Variants in PDE2A observed in about 807,000 individuals in gnomAD.
The protein encoded by PDE2A is cGMP-dependent 3',5'-cyclic phosphodiesterase.
In PDE2A, 53 loss-of-function variants were observed where a neutral mutation model predicts 133.6. The observed-to-expected ratio is 0.40, with a 90% CI of 0.32 to 0.50. The LOEUF (loss-of-function observed/expected upper bound fraction) is 0.50. Ranked by LOEUF, PDE2A falls within the 20% of genes least tolerant of loss-of-function variation. The pLI is 0.73. For missense variants in PDE2A, 796 were observed against 1,232.4 expected (o/e 0.65, Z 5.30); for synonymous variants, 491 against 490.2 (o/e 1.00, Z -0.02).
chr11:72,661,470 G>A (rs1157663380), intron 1 of PDE2A, among the ~76,000 whole-genome samples: 1 of 151,980 alleles, frequency 6.6e-6, no homozygotes, highest in Non-Finnish European at 1.5e-5. Flanking sequence ...CCACCTCAAC[G>A]AGCACAGGCA....
At position 72,590,258 on chromosome 11, in the gene PDE2A, G is replaced by C; in HGVS notation, c.704-14C>G. The C allele has an allele frequency of 6.4e-7, 1 of 1,551,302 alleles. No individual in the cohort carries two copies. The highest frequency in any genetic ancestry group is 8.7e-7 in the Non-Finnish European group (1 of 1,146,800). On this transcript the variant is annotated splice_polypyrimidine_tract_variant and intron_variant, in intron 8 of 30. Transcript: ENST00000334456. The surrounding 1 kb of genome is among the most constrained non-coding windows in gnomAD (Gnocchi z 4.8). ...CGTAGAGTTCCCCTGCAAGGGCCAG[G>C]CGCCGGTCAGAGAGAGGGCCCCTCC...
At chr11:72,616,325 T>C (rs763744597) in intron 2 of PDE2A, among the ~76,000 whole-genome samples, 1 of 152,184 alleles carries the variant, frequency 6.6e-6, no homozygotes, top group African/African-American at 2.4e-5. Context: ...ACTGCCCCCC[T>C]TTCCCCCACC....
Position 72,577,415 on chromosome 11 carries a change from A to G in PDE2A, c.2795T>C (p.Ile932Thr), listed in dbSNP as rs1343293491. The G allele has an allele frequency of 6.2e-7, 1 of 1,613,710 alleles. No homozygotes were observed. The highest frequency in any genetic ancestry group is 8.5e-7 in the Non-Finnish European group (1 of 1,179,966). Reference protein sequence around the residue: ...VPDLDGTRAPINGCCSLDAE With the variant: ...VPDLDGTRAPTNGCCSLDAE ...AGCATCAAGGCTGCAGCAGCCATTG[A>G]TGGGGGCCCTAGTGCCATCCAGATC... Residue 932 changes from isoleucine to threonine, a missense_variant, in exon 31 of 31, where the codon ATC (isoleucine) becomes ACC (threonine). Ile to Thr is a moderately conservative substitution (Grantham distance 89). Transcript: ENST00000334456.
Position 72,642,356 on chromosome 11 carries a change from G to A in PDE2A, c.72-30C>T, listed in dbSNP as rs1858993363. On this transcript the variant is annotated intron_variant, in intron 1 of 30. Transcript: ENST00000334456. ...GGAATTGGACAACAGCGATGAGGAT[G>A]TGGTGCAGCACCAGGACCATGCTCG... is the stretch of plus-strand genomic sequence containing the variant. The A allele has an allele frequency of 2.6e-6, 4 of 1,519,994 alleles. No homozygotes were observed. In the East Asian group the frequency reaches 1.1e-4, roughly 41 times the overall value. 94.2% of individuals were successfully genotyped at this position (1,519,994 alleles called of 1,614,324 possible). A position where few individuals can be genotyped will look rare whatever the true frequency, so the allele number is the denominator to read the frequency against.
chr11:72,582,198 G>T (rs1351060078), intron 21 of PDE2A: 1 of 607,388 alleles, frequency 1.6e-6, no homozygotes, highest in Non-Finnish European at 2.9e-6. Flanking sequence ...TGCAAACCCT[G>T]AGGTCACATG....
intron 2 of PDE2A, 138 bp from the exon 3 acceptor site, chr11:72,608,889 G>A (rs1309457902): frequency 1.6e-6 from 1 of 629,278 alleles, no homozygotes; most frequent in African/African-American, 1.8e-5. Context: ...CAGGATCTTA[G>A]GATCTCAAAA....
intron 1 of PDE2A, among the ~76,000 whole-genome samples, chr11:72,645,255 C>T (rs1406142802): frequency 1.3e-5 from 2 of 152,216 alleles, no homozygotes; most frequent in Non-Finnish European, 2.9e-5. Flanking sequence ...CAGCACCTCT[C>T]TAGGCCTCTA....
intron 19 of PDE2A, 162 bp from the exon 20 acceptor site, chr11:72,583,677 C>G (rs1410794418): frequency 3.8e-6 from 2 of 529,148 alleles, no homozygotes; most frequent in Admixed American, 3.9e-5. Flanking sequence ...ACCCCACCCC[C>G]ACTTTCATCC....
intron 2 of PDE2A, among the ~76,000 whole-genome samples, chr11:72,621,466 C>T (rs1591085172): frequency 6.6e-6 from 1 of 152,216 alleles, no homozygotes; most frequent in Non-Finnish European, 1.5e-5. Context: ...CAGGATGACA[C>T]AAGAAGACAT....
intron 2 of PDE2A, among the ~76,000 whole-genome samples, chr11:72,639,572 G>A (rs1048878656): frequency 2.6e-5 from 4 of 152,128 alleles, no homozygotes; most frequent in Admixed American, 6.5e-5. Flanking sequence ...TGCGGAGCAC[G>A]AAGTGGTGTA....
chr11:72,590,191 C>A lies in PDE2A; in HGVS notation c.756+1G>T. 1 of 1,549,994 alleles carries A rather than the reference C, an allele frequency of 6.5e-7. No individual in the cohort carries two copies. The highest frequency in any genetic ancestry group is 8.7e-7 in the Non-Finnish European group (1 of 1,145,618). ...TGGCCGGCAGGGGCGCAGGGACTCA[C>A]GTATTGGAGCACTTTGAGCTGCAGG... On this transcript the variant is annotated splice_donor_variant, in intron 9 of 30. Coordinates refer to ENST00000334456, the MANE Select transcript of PDE2A (RefSeq NM_002599.5). LOFTEE classifies it high-confidence loss of function. The surrounding 1 kb of genome is among the most constrained non-coding windows in gnomAD (Gnocchi z 4.8).
At chr11:72,660,365 A>G (rs1855017411) in intron 1 of PDE2A, among the ~76,000 whole-genome samples, 2 of 152,228 alleles carry the variant, frequency 1.3e-5, no homozygotes, top group South Asian at 2.1e-4. Flanking sequence ...AGAGCCCACT[A>G]CAGAGGCACA....
rs1433169526 is a variant in PDE2A, at chr11:72,590,837, A to T, written c.550-257T>A. The T allele has an allele frequency of 2.7e-5, 11 of 413,582 alleles. No individual in the cohort carries two copies. In the South Asian group the frequency reaches 3.2e-4, roughly 12 times the overall value. The allele number at this position is 413,582 out of a possible 1,614,324, so 25.6% of individuals were successfully genotyped here. A position where few individuals can be genotyped will look rare whatever the true frequency, so the allele number is the denominator to read the frequency against. On this transcript the variant is annotated intron_variant, in intron 7 of 30. Coordinates refer to ENST00000334456, the MANE Select transcript of PDE2A (RefSeq NM_002599.5). This position sits in a 1 kb window ranked among gnomAD's most constrained non-coding sequence, Gnocchi z 4.8. ...CCATCCCTAGCCCCTAGATTCTTCCAAGACAAGATGTCAGATTTCTGTCTC... is the reference window on the plus strand; with the variant it reads ...CCATCCCTAGCCCCTAGATTCTTCCTAGACAAGATGTCAGATTTCTGTCTC...
At chr11:72,673,398 T>TACCCACAC (rs1555007443) in intron 1 of PDE2A, among the ~76,000 whole-genome samples, 2 of 148,356 alleles carry the variant, frequency 1.3e-5, no homozygotes, top group African/African-American at 5.0e-5. Context: ...TCCACATGTA[T>TACCCACAC]ACACACACAC....
rs774267408 is a variant in PDE2A, at chr11:72,597,460, C to T, written c.433+50G>A. 2.9e-5 allele frequency: 31 copies of T among 1,050,858 alleles called. No homozygotes were observed. The highest frequency in any genetic ancestry group is 1.7e-4 in the South Asian group (13 of 78,658). 65.1% of individuals were successfully genotyped at this position (1,050,858 alleles called of 1,614,324 possible). On this transcript the variant is annotated intron_variant, in intron 5 of 30. Transcript: ENST00000334456. The surrounding 1 kb of genome is among the most constrained non-coding windows in gnomAD (Gnocchi z 4.6). ...CACATGACCTGGAGTGCAGGGGCCA[C>T]AGTCCCTCCCTGCCCCTGCCCCTGC...
Position 72,668,984 on chromosome 11 carries a change from G to T in PDE2A, c.71+5153C>A, listed in dbSNP as rs185055944. ...CTTTCTGAAAGTGTGGCTGATCGTG[G>T]GTGGTTCATAATGACAGTAGCTAAC... On this transcript the variant is annotated intron_variant, in intron 1 of 30. Transcript: ENST00000334456. The T allele has an allele frequency of 1.5e-4, 155 of 1,001,920 alleles. 3 individuals carry two copies. In the Middle Eastern group the frequency reaches 0.011, roughly 73 times the overall value. The allele number at this position is 1,001,920 out of a possible 1,614,324, so 62.1% of individuals were successfully genotyped here.
chr11:72,620,119 G>A (rs1857685454), intron 2 of PDE2A, among the ~76,000 whole-genome samples: 1 of 152,182 alleles, frequency 6.6e-6, no homozygotes, highest in Non-Finnish European at 1.5e-5. Flanking sequence ...ACGGTTAAGA[G>A]ACTTTGGCCT....
At chr11:72,642,747 T>G (rs1195883923) in intron 1 of PDE2A, among the ~76,000 whole-genome samples, 3 of 143,760 alleles carry the variant, frequency 2.1e-5, no homozygotes, top group African/African-American at 7.6e-5. Flanking sequence ...GCACCCTGTT[T>G]CCCCGCCACC....
chr11:72,642,384 G>GCCGC (rs1486171379), intron 1 of PDE2A, 58 bp from the exon 2 acceptor site: 21 of 1,312,142 alleles, frequency 1.6e-5, no homozygotes, highest in Admixed American at 7.4e-5. Flanking sequence ...CATGCTCGCA[G>GCCGC]CCGCCCGCCC....
Sources: gnomAD v4.1 joint callset for allele counts (sites outside exome capture counted in the v4.1 genomes callset) on GRCh38, gnomAD v4.1.1 for gene constraint, Gnocchi (gnomAD v3.1) non-coding constraint, MANE v1.5 for transcripts, NCBI Gene and HGNC (gene_info 2026-07-23, HGNC 2026-07-21) for gene names.